The following EDEM3 variants were observed in gnomAD, a reference collection of about 807,000 sequenced individuals.
EDEM3 encodes the protein ER degradation enhancing alpha-mannosidase like protein 3, also known as ER degradation-enhancing alpha-mannosidase-like protein 3.
In EDEM3, 60 loss-of-function variants were observed where a neutral mutation model predicts 110.2. The observed-to-expected ratio is 0.54, with a 90% CI of 0.44 to 0.67. The LOEUF is 0.67. Ranked by LOEUF, EDEM3 falls within the 30% of genes least tolerant of loss-of-function variation. The probability of loss-of-function intolerance (pLI) is 0.00; values close to 1 mark genes in which losing one functional copy is unlikely to be tolerated. For synonymous variants in EDEM3, 352 were observed against 382.9 expected (o/e 0.92, Z 0.94); for missense variants, 996 against 1,121.0 (o/e 0.89, Z 1.59).
intron 13 of EDEM3, among the ~76,000 whole-genome samples, chr1:184,715,839 C>T (rs534938432): frequency 6.6e-6 from 1 of 152,272 alleles, no homozygotes; most frequent in East Asian, 1.9e-4. Context: ...TGCCTGCTTC[C>T]AGAACCTAAC....
At chr1:184,749,293 A>G (rs1392077639) in intron 2 of EDEM3, among the ~76,000 whole-genome samples, 5 of 152,156 alleles carry the variant, frequency 3.3e-5, no homozygotes, top group Non-Finnish European at 5.9e-5. Flanking sequence ...AAAGCACTCA[A>G]TGATAATTGT....
intron 9 of EDEM3, 141 bp from the exon 10 acceptor site, chr1:184,719,709 T>TAA (rs1321496385): frequency 2.4e-6 from 2 of 839,602 alleles, no homozygotes; most frequent in African/African-American, 3.4e-5. Context: ...TATAAATATT[T>TAA]AAGTTATTTT....
rs1490623755 is a variant in EDEM3 at position 184,749,528 on chromosome 1, A to G, written c.204+19T>C. 6.5e-7 allele frequency: 1 copy of G among 1,538,292 alleles called. No individual in the cohort carries two copies. On this transcript the variant is annotated intron_variant, in intron 2 of 19. Transcript: ENST00000318130. ...ATCAACTCACATAAATGGTAGGTAA[A>G]GATAAGCTTCCTACTTACCATATAG... is the stretch of plus-strand genomic sequence containing the variant.
rs541697309 is a variant in EDEM3 at position 184,704,874 on chromosome 1, A to G, written c.2203+1769T>C. ...GGCGTTCAAGACCAGCCTGGCCAACATGGAGAAACCCCATCTCTACTAAAA... is the reference window on the plus strand; with the variant it reads ...GGCGTTCAAGACCAGCCTGGCCAACGTGGAGAAACCCCATCTCTACTAAAA... On this transcript the variant is annotated intron_variant, in intron 18 of 19. Transcript: ENST00000318130. Among the ~76,000 whole-genome samples, 16 of 151,852 alleles carry G rather than the reference A, an allele frequency of 1.1e-4. No homozygotes were observed. In the East Asian group the frequency reaches 1.9e-3, roughly 18 times the overall value.
intron 2 of EDEM3, among the ~76,000 whole-genome samples, chr1:184,746,465 T>C (rs1392975134): frequency 6.6e-6 from 1 of 152,240 alleles, no homozygotes; most frequent in East Asian, 1.9e-4. Flanking sequence ...TCGTTATCAG[T>C]AGCAGCAGTA....
rs748898581 is a variant in EDEM3, at chr1:184,706,796, C to T, written c.2050G>A (p.Val684Ile). The T allele has an allele frequency of 3.1e-6, 5 of 1,613,256 alleles. No individual in the cohort carries two copies. The South Asian group carries it at 5.5e-5, about 18-fold the overall frequency. ...LSKHKETRGF[V>I]ASSKPSNGCS... ...CCATTGGATGGTTTACTGCTTGCAA[C>T]AAATCCTCTTGTCTGTCAGAAATAA... The change falls in exon 18 of 20, where the codon GTT (valine) becomes ATT (isoleucine). Residue 684 changes from valine (V) to isoleucine (I), a missense_variant. Transcript: ENST00000318130.
rs531047277 is a variant in EDEM3 at position 184,733,085 on chromosome 1, T to C, written c.459-95A>G. On this transcript the variant is annotated intron_variant, in intron 5 of 19. Coordinates refer to ENST00000318130, the MANE Select transcript of EDEM3 (RefSeq NM_025191.4). ...GGGTACTTTGTTATACAATTTAACATATTTAAGGAAAGACAAAAATTACTT... is the reference window on the plus strand; with the variant it reads ...GGGTACTTTGTTATACAATTTAACACATTTAAGGAAAGACAAAAATTACTT... 3.5e-5 allele frequency: 47 copies of C among 1,345,960 alleles called. No homozygotes were observed. The African/African-American group carries it at 6.5e-4, about 19-fold the overall frequency. The allele number at this position is 1,345,960 out of a possible 1,614,324, so 83.4% of individuals were successfully genotyped here. A position where few individuals can be genotyped will look rare whatever the true frequency, so the allele number is the denominator to read the frequency against.
chr1:184,735,572 T>C (rs891243729), intron 4 of EDEM3, among the ~76,000 whole-genome samples: 42 of 152,348 alleles, frequency 2.8e-4, no homozygotes, highest in African/African-American at 9.9e-4. Flanking sequence ...TTTGTTGTGC[T>C]TTTTCACTTG....
At chr1:184,727,425 A>T (rs1651250075) in intron 6 of EDEM3, among the ~76,000 whole-genome samples, 1 of 152,222 alleles carries the variant, frequency 6.6e-6, no homozygotes. Flanking sequence ...AAACAAAAAA[A>T]ATCAAACATA....
intron 2 of EDEM3, among the ~76,000 whole-genome samples, chr1:184,747,679 C>T (rs1203234120): frequency 6.6e-6 from 1 of 152,212 alleles, no homozygotes; most frequent in Non-Finnish European, 1.5e-5. Context: ...ATCCTTCTCT[C>T]TTAAATCTTA....
In EDEM3 at chr1:184,723,744, T is replaced by C. The variant is rs951521192; in HGVS notation, c.853+7A>G. 28 of 1,584,170 alleles carry C rather than the reference T, an allele frequency of 1.8e-5. No homozygotes were observed. The highest frequency in any genetic ancestry group is 2.4e-5 in the Non-Finnish European group (28 of 1,164,818). Reference sequence around the variant, plus strand: ...AAGGCTTGATTTAAAAAGCCTAACTTACATACCTTTTCGTACCCAATCTCC... The same window carrying C: ...AAGGCTTGATTTAAAAAGCCTAACTCACATACCTTTTCGTACCCAATCTCC... On this transcript the variant is annotated splice_region_variant and intron_variant, in intron 8 of 19. Transcript: ENST00000318130.
intron 4 of EDEM3, among the ~76,000 whole-genome samples, chr1:184,735,094 T>A (rs1346111385): frequency 6.6e-6 from 1 of 152,202 alleles, no homozygotes; most frequent in African/African-American, 2.4e-5. Flanking sequence ...CTAGCTTCAC[T>A]CCATGGATGC....
rs1038352951 is a variant in EDEM3, at chr1:184,749,673, T to C, written c.159-81A>G. The C allele has an allele frequency of 6.8e-5, 79 of 1,169,378 alleles. 1 individual carries two copies. Among genetic ancestry groups the C allele is most frequent in the Non-Finnish European group, 8.9e-5 (75 of 847,300 alleles). 72.4% of individuals were successfully genotyped at this position (1,169,378 alleles called of 1,614,324 possible). ...ATTTATTATCTTTCAAAAAGTTAAT[T>C]CTTCCTCATAAAAAATATACCAATA... On this transcript the variant is annotated intron_variant, in intron 1 of 19. Transcript: ENST00000318130.
rs1474568832 is a variant in EDEM3, at chr1:184,726,398, A to G, written c.613-9T>C. The G allele has an allele frequency of 1.1e-5, 18 of 1,611,116 alleles. No individual in the cohort carries two copies. Among genetic ancestry groups the G allele is most frequent in the Non-Finnish European group, 1.5e-5 (18 of 1,178,570 alleles). Reference sequence around the variant, plus strand: ...CCAAACTTTAAATTAATCTGAATACAATTAGAAAATTGTCATTAGCAGTTA... The same window carrying G: ...CCAAACTTTAAATTAATCTGAATACGATTAGAAAATTGTCATTAGCAGTTA... On this transcript the variant is annotated splice_polypyrimidine_tract_variant and intron_variant, in intron 6 of 19. Coordinates refer to ENST00000318130, the MANE Select transcript of EDEM3 (RefSeq NM_025191.4).
At chr1:184,711,696 T>C (rs754399101) in intron 15 of EDEM3, 27 bp downstream of exon 15, 8 of 1,542,890 alleles carry the variant, frequency 5.2e-6, no homozygotes, top group Admixed American at 4.1e-5. Context: ...ACTTTGATAT[T>C]AGAAAATATA....
rs750043400 is a variant in EDEM3, at chr1:184,716,934, C to T, written c.1324G>A (p.Gly442Arg). Residue 442 changes from glycine (G) to arginine (R), a missense_variant, in exon 13 of 20, where the codon GGA becomes AGA. Coordinates refer to ENST00000318130, the MANE Select transcript of EDEM3 (RefSeq NM_025191.4). ...CGAACATCCTTCATGGCAGCAAATC[C>T]GCAAGGCACTCTAGCATATTTATTT... ...NLNKYARVPC[G>R]FAAMKDVRTG... 6.8e-6 allele frequency: 11 copies of T among 1,613,130 alleles called. No homozygotes were observed. The highest frequency in any genetic ancestry group is 4.5e-5 in the East Asian group (2 of 44,850).
chr1:184,704,356 T>C (rs1441899719), intron 18 of EDEM3, among the ~76,000 whole-genome samples: 1 of 152,050 alleles, frequency 6.6e-6, no homozygotes, highest in African/African-American at 2.4e-5. Context: ...AAGTTTCTCA[T>C]TAAAAATTAA....
chr1:184,715,005 C>G (rs1177015582), intron 13 of EDEM3, among the ~76,000 whole-genome samples: 3 of 152,152 alleles, frequency 2.0e-5, no homozygotes, highest in African/African-American at 7.2e-5. Context: ...CTAAAGACAT[C>G]TGAGAGGCAC....
chr1:184,715,204 C>G (rs1435328752), intron 13 of EDEM3, among the ~76,000 whole-genome samples: 1 of 152,040 alleles, frequency 6.6e-6, no homozygotes, highest in East Asian at 1.9e-4. Context: ...ATTATATATA[C>G]TGGAATGCAA....
Sources: allele counts gnomAD v4.1 joint callset (sites outside exome capture counted in the v4.1 genomes callset), GRCh38; gene constraint gnomAD v4.1.1; transcripts MANE v1.5; gene names NCBI Gene and HGNC (gene_info 2026-07-23, HGNC 2026-07-21).